The following GRIK1 variants were observed in gnomAD, a reference collection of about 807,000 sequenced individuals.
GRIK1 encodes glutamate ionotropic receptor kainate type subunit 1, also known as glutamate receptor ionotropic, kainate 1.
GRIK1 carries 69 observed loss-of-function variants against 105.7 expected under a neutral mutation model. The observed-to-expected ratio is 0.65, with a 90% confidence interval of 0.54 to 0.80. The LOEUF (loss-of-function observed/expected upper bound fraction) is 0.80. GRIK1 is among the 30% of genes least tolerant of loss of function. GRIK1 has a pLI of 0.00. For missense variants in GRIK1, 1,109 were observed against 1,167.3 expected (o/e 0.95, Z 0.73); for synonymous variants, 438 against 431.3 (o/e 1.02, Z -0.19).
intron 1 of GRIK1, among the ~76,000 whole-genome samples, chr21:29,883,279 A>G (rs760425256): frequency 4.6e-5 from 7 of 152,140 alleles, no homozygotes; most frequent in Non-Finnish European, 8.8e-5. Flanking sequence ...TTGTGGTTCT[A>G]TGAAACAGTA....
At chr21:29,936,164 A>G (rs2071746377) in intron 1 of GRIK1, among the ~76,000 whole-genome samples, 1 of 152,192 alleles carries the variant, frequency 6.6e-6, no homozygotes, top group Non-Finnish European at 1.5e-5. Context: ...TCTGACACCA[A>G]AACATGCTTC....
chr21:29,750,402 A>C (rs1253194579), intron 1 of GRIK1, among the ~76,000 whole-genome samples: 1 of 152,196 alleles, frequency 6.6e-6, no homozygotes, highest in East Asian at 1.9e-4. Context: ...ACCCTGAGCC[A>C]GAGCTCTGGG....
intron 1 of GRIK1, among the ~76,000 whole-genome samples, chr21:29,716,899 C>A (rs1200044111): frequency 6.6e-6 from 1 of 152,224 alleles, no homozygotes; most frequent in African/African-American, 2.4e-5. Context: ...ACAGTAGCCC[C>A]TCCCATCATA....
chr21:29,560,999 G>C (rs1021295267), intron 15 of GRIK1, among the ~76,000 whole-genome samples: 3 of 152,148 alleles, frequency 2.0e-5, no homozygotes, highest in Admixed American at 1.3e-4. Flanking sequence ...GTCTCCTATA[G>C]ACGTACAAGA....
chr21:29,692,660 A>G (rs964239228), intron 2 of GRIK1, among the ~76,000 whole-genome samples: 24 of 152,088 alleles, frequency 1.6e-4, no homozygotes, highest in African/African-American at 5.6e-4. Flanking sequence ...TTCAGGCTCT[A>G]CTTCCCGGGT....
chr21:29,697,660 T>G (rs1172794664), intron 1 of GRIK1, among the ~76,000 whole-genome samples: 1 of 152,122 alleles, frequency 6.6e-6, no homozygotes. Flanking sequence ...GAGAAAGTTA[T>G]TAATAGGAGC....
At chr21:29,691,157 A>G (rs1213179605) in intron 2 of GRIK1, among the ~76,000 whole-genome samples, 2 of 151,058 alleles carry the variant, frequency 1.3e-5, no homozygotes, top group African/African-American at 2.5e-5. Flanking sequence ...ATAAAAATAC[A>G]AAAATTAGCC....
chr21:29,584,727 A>G (rs1008234152), intron 12 of GRIK1, among the ~76,000 whole-genome samples: 14 of 152,210 alleles, frequency 9.2e-5, no homozygotes, highest in African/African-American at 3.4e-4. Flanking sequence ...AGAGCTATAG[A>G]TAATTATGAA....
intron 1 of GRIK1, among the ~76,000 whole-genome samples, chr21:29,727,230 A>G (rs530536730): frequency 6.6e-6 from 1 of 152,252 alleles, no homozygotes; most frequent in Admixed American, 6.5e-5. Flanking sequence ...TTGGCCTTGG[A>G]GTCAATTTTT....
intron 1 of GRIK1, among the ~76,000 whole-genome samples, chr21:29,694,934 G>A (rs1284312864): frequency 6.6e-6 from 1 of 152,182 alleles, no homozygotes; most frequent in Non-Finnish European, 1.5e-5. Flanking sequence ...CAAAGTGCAT[G>A]AGAATATTCA....
chr21:29,864,104 T>A (rs1000254990), intron 1 of GRIK1, among the ~76,000 whole-genome samples: 1 of 152,118 alleles, frequency 6.6e-6, no homozygotes, highest in Non-Finnish European at 1.5e-5. Context: ...AACAGATTTT[T>A]TTTTTTTTCC....
chr21:29,895,066 T>A (rs1224911204), intron 1 of GRIK1, among the ~76,000 whole-genome samples: 1 of 152,160 alleles, frequency 6.6e-6, no homozygotes, highest in Non-Finnish European at 1.5e-5. Flanking sequence ...ATAGTGGTGG[T>A]GGCAGGGGGC....
At chr21:29,667,670 A>G (rs763428352) in intron 4 of GRIK1, among the ~76,000 whole-genome samples, 10 of 152,160 alleles carry the variant, frequency 6.6e-5, no homozygotes, top group Non-Finnish European at 1.2e-4. Context: ...GGGAAACAGC[A>G]TGTTCATGCT....
At chr21:29,556,594 C>T (rs2090261908) in intron 15 of GRIK1, among the ~76,000 whole-genome samples, 2 of 152,060 alleles carry the variant, frequency 1.3e-5, no homozygotes, top group Non-Finnish European at 2.9e-5. Flanking sequence ...TAGACATTTC[C>T]CACCTCCCTT....
chr21:29,577,757 T>C (rs1175374239), intron 13 of GRIK1, among the ~76,000 whole-genome samples: 1 of 152,202 alleles, frequency 6.6e-6, no homozygotes, highest in Non-Finnish European at 1.5e-5. Context: ...CTACAATTCT[T>C]TTTTCTACTG....
At chr21:29,792,734 G>A (rs1390807267) in intron 1 of GRIK1, among the ~76,000 whole-genome samples, 2 of 152,202 alleles carry the variant, frequency 1.3e-5, no homozygotes, top group African/African-American at 2.4e-5. Context: ...CTCACTGCTA[G>A]GTGATGGTGC....
At chr21:29,696,742 T>TGGGGAGACCA (rs2146747373) in intron 1 of GRIK1, among the ~76,000 whole-genome samples, 2 of 152,320 alleles carry the variant, frequency 1.3e-5, no homozygotes, top group Non-Finnish European at 2.9e-5. Context: ...AAGGCATCTT[T>TGGGGAGACCA]AGGACGTTCA....
intron 7 of GRIK1, among the ~76,000 whole-genome samples, chr21:29,622,267 C>G (rs550478683): frequency 1.3e-5 from 2 of 152,138 alleles, no homozygotes; most frequent in Non-Finnish European, 2.9e-5. Flanking sequence ...TTTTCTTGCT[C>G]AAAGAATCCT....
At chr21:29,757,337 C>T (rs1299208990) in intron 1 of GRIK1, among the ~76,000 whole-genome samples, 3 of 152,130 alleles carry the variant, frequency 2.0e-5, no homozygotes, top group African/African-American at 7.2e-5. Flanking sequence ...TTCAACTTCT[C>T]AGATTAACTA....
Sources: allele counts gnomAD v4.1 joint callset (sites outside exome capture counted in the v4.1 genomes callset), GRCh38; gene constraint gnomAD v4.1.1; transcripts MANE v1.5; gene names NCBI Gene and HGNC (gene_info 2026-07-23, HGNC 2026-07-21).